BANK1: variants seen among roughly 807,000 people sequenced by gnomAD.
The protein encoded by BANK1 is B-cell scaffold protein with ankyrin repeats.
A neutral mutation model predicts 94.5 loss-of-function variants in BANK1; 95 were observed. The ratio of observed to expected loss-of-function variants is 1.00; its 90% CI spans 0.85 to 1.19. BANK1 has a LOEUF of 1.19. Ranked by LOEUF, BANK1 falls within the 50% of genes most tolerant of loss-of-function variation. The pLI is 0.00. For missense variants in BANK1, 987 were observed against 932.2 expected (o/e 1.06, Z -0.77); for synonymous variants, 334 against 308.4 (o/e 1.08, Z -0.87).
intron 1 of BANK1, among the ~76,000 whole-genome samples, chr4:101,797,462 C>A (rs11935577): frequency 0.28 from 42,689 of 151,992 alleles, 6,241 homozygotes; most frequent in Non-Finnish European, 0.32. Context: ...ATGAGCTGCT[C>A]TTGATACAAT....
intron 11 of BANK1, among the ~76,000 whole-genome samples, chr4:102,058,702 T>TAA (rs202223180): frequency 2.7e-4 from 38 of 138,694 alleles, no homozygotes; most frequent in African/African-American, 9.1e-4. Context: ...TCTTTACTCT[T>TAA]AAAAAAAAAA....
chr4:101,986,899 G>GTGTATATATATATATATA (rs1343197093), intron 7 of BANK1, among the ~76,000 whole-genome samples: 4 of 82,660 alleles, frequency 4.8e-5, no homozygotes, highest in South Asian at 4.4e-4. Flanking sequence ...GTGTGTGTGT[G>GTGTATATATATATATATA]TATATATATA....
At chr4:101,886,763 G>T (rs1046146431) in intron 5 of BANK1, among the ~76,000 whole-genome samples, 1 of 39,428 alleles carries the variant, frequency 2.5e-5, no homozygotes, top group Admixed American at 1.8e-4. Context: ...CAATATATTG[G>T]GGGGGGGGGC....
intron 2 of BANK1, among the ~76,000 whole-genome samples, chr4:101,836,399 A>T (rs1043207363): frequency 6.6e-6 from 1 of 152,080 alleles, no homozygotes; most frequent in Non-Finnish European, 1.5e-5. Flanking sequence ...TGAATCACTT[A>T]AACCTGGGAG....
At chr4:102,025,119 T>C in intron 8 of BANK1, 82 bp from the exon 9 acceptor site, 1 of 1,449,774 alleles carries the variant, frequency 6.9e-7, no homozygotes, top group South Asian at 1.3e-5. Flanking sequence ...GCAGTACTAC[T>C]ATTTCTGTAC....
chr4:101,998,017 G>A (rs562662392), intron 7 of BANK1, among the ~76,000 whole-genome samples: 2 of 152,002 alleles, frequency 1.3e-5, no homozygotes, highest in East Asian at 1.9e-4. Context: ...TAAGAGTGGC[G>A]ATTTTAGATC....
At chr4:102,042,162 T>A (rs1022923923) in intron 10 of BANK1, among the ~76,000 whole-genome samples, 1 of 152,076 alleles carries the variant, frequency 6.6e-6, no homozygotes, top group Non-Finnish European at 1.5e-5. Flanking sequence ...TTAAAATTTT[T>A]AAAGCATTGC....
At chr4:101,929,983 T>C (rs909863747) in intron 7 of BANK1, among the ~76,000 whole-genome samples, 3 of 151,418 alleles carry the variant, frequency 2.0e-5, no homozygotes, top group African/African-American at 7.3e-5. Context: ...TCATGACATC[T>C]TCATAACACT....
chr4:101,986,618 A>C (rs976979570), intron 7 of BANK1, among the ~76,000 whole-genome samples: 1 of 151,446 alleles, frequency 6.6e-6, no homozygotes, highest in Non-Finnish European at 1.5e-5. Flanking sequence ...TATTATTCAG[A>C]TGCTCTCATG....
chr4:101,979,117 A>G (rs935176563), intron 7 of BANK1, among the ~76,000 whole-genome samples: 1 of 152,018 alleles, frequency 6.6e-6, no homozygotes, highest in African/African-American at 2.4e-5. Flanking sequence ...GATCCAATAT[A>G]CCTGTGAAAT....
intron 1 of BANK1, among the ~76,000 whole-genome samples, chr4:101,817,670 C>T (rs1725967631): frequency 6.6e-6 from 1 of 150,908 alleles, no homozygotes; most frequent in Non-Finnish European, 1.5e-5. Flanking sequence ...ACATCTCGCA[C>T]ACGTGCCCCT....
intron 5 of BANK1, among the ~76,000 whole-genome samples, chr4:101,876,605 G>C (rs996813884): frequency 1.1e-4 from 16 of 152,158 alleles, no homozygotes; most frequent in African/African-American, 1.9e-4. Flanking sequence ...GATTGAGAAG[G>C]CTTCAATAAA....
chr4:101,797,349 A>G (rs954122799), intron 1 of BANK1, among the ~76,000 whole-genome samples: 1 of 152,172 alleles, frequency 6.6e-6, no homozygotes, highest in Non-Finnish European at 1.5e-5. Flanking sequence ...CCAAAACCTA[A>G]TTGCATAAAT....
intron 13 of BANK1, among the ~76,000 whole-genome samples, chr4:102,064,551 T>G (rs1448378821): frequency 1.3e-5 from 2 of 152,202 alleles, no homozygotes; most frequent in East Asian, 3.8e-4. Flanking sequence ...GGACACATAT[T>G]AAGTGAGAAG....
intron 11 of BANK1, among the ~76,000 whole-genome samples, chr4:102,052,489 G>A (rs1560710280): frequency 6.6e-6 from 1 of 151,796 alleles, no homozygotes; most frequent in Non-Finnish European, 1.5e-5. Flanking sequence ...GGGAAGGAGA[G>A]TTTTTTTTGT....
rs558714009 is a variant in BANK1 at position 101,877,756 on chromosome 4, G to A, written c.903+7112G>A. On this transcript the variant is annotated intron_variant, in intron 5 of 16. Transcript: ENST00000322953. ...AAAAATTAGCCAGGCATGGTGGCGG[G>A]TGCCTGTAATCCCAGCTACTTGGGA... Among the ~76,000 whole-genome samples, 569 of 152,058 alleles carry A rather than the reference G, an allele frequency of 3.7e-3. 3 individuals are homozygous for A. Among genetic ancestry groups the A allele is most frequent in the Non-Finnish European group, 6.6e-3 (449 of 67,982 alleles).
At chr4:102,038,456 G>T (rs1235384375) in intron 10 of BANK1, among the ~76,000 whole-genome samples, 2 of 152,090 alleles carry the variant, frequency 1.3e-5, no homozygotes, top group African/African-American at 4.8e-5. Flanking sequence ...ATACAAATGG[G>T]TAATAAGAGA....
chr4:101,990,405 A>T (rs1419454777), intron 7 of BANK1, among the ~76,000 whole-genome samples: 2 of 152,218 alleles, frequency 1.3e-5, no homozygotes, highest in Non-Finnish European at 2.9e-5. Flanking sequence ...AATAAACAAG[A>T]AGCCTTTCCC....
intron 2 of BANK1, among the ~76,000 whole-genome samples, chr4:101,839,961 T>A (rs1390040168): frequency 0.032 from 2,237 of 70,526 alleles, 228 homozygotes; most frequent in African/African-American, 0.12. Context: ...TTTTTTTTTT[T>A]TTTTTTTTTT....
Sources: gnomAD v4.1 joint callset for allele counts (sites outside exome capture counted in the v4.1 genomes callset) on GRCh38, gnomAD v4.1.1 for gene constraint, MANE v1.5 for transcripts, NCBI Gene and HGNC (gene_info 2026-07-23, HGNC 2026-07-21) for gene names.